The following MCM2 variants were observed in gnomAD, a reference collection of about 807,000 sequenced individuals.
MCM2 encodes minichromosome maintenance complex component 2.
A neutral mutation model predicts 86.4 loss-of-function variants in MCM2; 49 were observed. That is an observed-to-expected ratio of 0.57 (90% CI 0.45 to 0.72). The LOEUF (loss-of-function observed/expected upper bound fraction) is 0.72. Ranked by LOEUF, MCM2 falls within the 30% of genes least tolerant of loss-of-function variation. MCM2 has a pLI of 0.00. For missense variants in MCM2, 1,038 were observed against 1,259.9 expected (o/e 0.82, Z 2.67); for synonymous variants, 475 against 484.6 (o/e 0.98, Z 0.26).
chr3:127,603,187 G>T (rs1207693088), intron 2 of MCM2, among the ~76,000 whole-genome samples: 1 of 151,926 alleles, frequency 6.6e-6, no homozygotes, highest in East Asian at 1.9e-4. Context: ...TTTTAGTAGA[G>T]ACGGGGTTTC....
Position 127,606,554 on chromosome 3 carries a change from C to T in MCM2, c.894-56C>T, listed in dbSNP as rs2074352256. Reference sequence around the variant, plus strand: ...GGACAGTGTGTTGGGACACTCTCGTCTGCAGCCTGGCCTCACCCTGGCTCA... The same window carrying T: ...GGACAGTGTGTTGGGACACTCTCGTTTGCAGCCTGGCCTCACCCTGGCTCA... On this transcript the variant is annotated intron_variant, in intron 5 of 15. Coordinates refer to ENST00000265056, the MANE Select transcript of MCM2 (RefSeq NM_004526.4). This position sits in a 1 kb window ranked among gnomAD's most constrained non-coding sequence, Gnocchi z 4.2. 1 of 1,522,406 alleles carries T rather than the reference C, an allele frequency of 6.6e-7. No individual in the cohort carries two copies. The highest frequency in any genetic ancestry group is 9.1e-7 in the Non-Finnish European group (1 of 1,099,518). 94.3% of individuals were successfully genotyped at this position (1,522,406 alleles called of 1,614,324 possible).
At chr3:127,605,434 C>CTTTTTT (rs1227332481) in intron 4 of MCM2, among the ~76,000 whole-genome samples, 10 of 86,128 alleles carry the variant, frequency 1.2e-4, no homozygotes, top group Non-Finnish European at 1.9e-4. Flanking sequence ...GGAATTGACT[C>CTTTTTT]TTTTTTTTTT....
In MCM2 at chr3:127,608,381, G is replaced by A; in HGVS notation, c.1102-1G>A. On this transcript the variant is annotated splice_acceptor_variant, in intron 6 of 15. Coordinates refer to ENST00000265056, the MANE Select transcript of MCM2 (RefSeq NM_004526.4). LOFTEE classifies it high-confidence loss of function. The stretch of plus-strand genomic sequence containing the variant: ...TGAGGCCTTCTGTGTGTCCCTCGCA[G>A]ACCATCTATCAGAACTACCAGCGTA... The A allele has an allele frequency of 6.2e-7, 1 of 1,614,158 alleles. No homozygotes were observed.
intron 1 of MCM2, 78 bp from the exon 2 acceptor site, chr3:127,599,240 G>T (rs1306185590): frequency 8.6e-7 from 1 of 1,161,248 alleles, no homozygotes; most frequent in East Asian, 2.3e-5. Flanking sequence ...AGAAGGGAAG[G>T]CCCCTGATGG....
At chr3:127,611,494 T>C (rs1353801688) in intron 8 of MCM2, among the ~76,000 whole-genome samples, 1 of 152,136 alleles carries the variant, frequency 6.6e-6, no homozygotes, top group East Asian at 1.9e-4. Flanking sequence ...CATCCCCATG[T>C]GCTTCTGGAG....
intron 15 of MCM2, 93 bp downstream of exon 15, chr3:127,621,321 T>C (rs1278400390): frequency 8.7e-6 from 13 of 1,489,942 alleles, no homozygotes; most frequent in Non-Finnish European, 1.2e-5. Flanking sequence ...GGTCATGAAG[T>C]GGGTGGGCCT....
chr3:127,617,545 C>G lies in MCM2; in HGVS notation c.1900+140C>G, dbSNP rs2074442865. The G allele has an allele frequency of 1.8e-6, 2 of 1,096,540 alleles. No homozygotes were observed. The highest frequency in any genetic ancestry group is 2.5e-6 in the Non-Finnish European group (2 of 788,776). The allele number at this position is 1,096,540 out of a possible 1,614,324, so 67.9% of individuals were successfully genotyped here. A position where few individuals can be genotyped will look rare whatever the true frequency, so the allele number is the denominator to read the frequency against. On this transcript the variant is annotated intron_variant, in intron 11 of 15. Coordinates refer to ENST00000265056, the MANE Select transcript of MCM2 (RefSeq NM_004526.4). This position sits in a 1 kb window ranked among gnomAD's most constrained non-coding sequence, Gnocchi z 4.1. ...CAGAGGGTTCCCCTCTTCTGCATAT[C>G]CTGCCAGAGTGGGGAACAGTGAAAG...
chr3:127,606,786 C>T lies in MCM2; in HGVS notation c.1070C>T (p.Ser357Leu), dbSNP rs771271221. The change falls in exon 6 of 16, where the codon TCG becomes TTG. Residue 357 changes from serine to leucine, a missense_variant. Transcript: ENST00000265056. This position sits in a 1 kb window ranked among gnomAD's most constrained non-coding sequence, Gnocchi z 4.2. ...VKPGSCPECQ[S>L]AGPFEVNMEE... ...CCAGGCTCCTGTCCTGAGTGCCAGT[C>T]GGCCGGCCCCTTTGAGGTCAACATG... 9 of 1,614,198 alleles carry T rather than the reference C, an allele frequency of 5.6e-6. No homozygotes were observed. In the East Asian group the frequency reaches 6.7e-5, roughly 12 times the overall value.
chr3:127,610,693 T>G, intron 8 of MCM2: 1 of 437,306 alleles, frequency 2.3e-6, no homozygotes, highest in East Asian at 7.1e-5. Flanking sequence ...GCATCCACCG[T>G]GAGAAGCTGC....
intron 8 of MCM2, among the ~76,000 whole-genome samples, chr3:127,611,730 G>A (rs1199086572): frequency 1.0e-5 from 1 of 98,752 alleles, no homozygotes; most frequent in Non-Finnish European, 1.7e-5. Context: ...ACGGAGTCTC[G>A]CTCTGTCGCC....
In MCM2 at chr3:127,618,595, G is replaced by A. The variant is rs2074451156; in HGVS notation, c.2014-432G>A. Among the ~76,000 whole-genome samples, 1 of 152,086 alleles carries A rather than the reference G, an allele frequency of 6.6e-6. No homozygotes were observed. Among genetic ancestry groups the A allele is most frequent in the South Asian group, 2.1e-4 (1 of 4,820 alleles). ...CCTGCCCTTCTCTCTCAAAAGGGCC[G>A]AGCCTTGGGGCTTGATTGTGCTCCT... On this transcript the variant is annotated intron_variant, in intron 12 of 15. Coordinates refer to ENST00000265056, the MANE Select transcript of MCM2 (RefSeq NM_004526.4). The surrounding 1 kb of genome is among the most constrained non-coding windows in gnomAD (Gnocchi z 4.0).
At chr3:127,605,280 A>T in intron 4 of MCM2, 124 bp downstream of exon 4, 1 of 1,320,562 alleles carries the variant, frequency 7.6e-7, no homozygotes, top group Non-Finnish European at 1.0e-6. Context: ...CTGTCAGAGA[A>T]ACCAAAAGTT....
In MCM2 at chr3:127,619,139, C is replaced by T. The variant is rs1417045950; in HGVS notation, c.2126C>T (p.Thr709Met). 1.2e-5 allele frequency: 19 copies of T among 1,613,992 alleles called. No individual in the cohort carries two copies. Among genetic ancestry groups the T allele is most frequent in the East Asian group, 8.9e-5 (4 of 44,892 alleles). ...GSAAEPAMPN[T>M]YGVEPLPQEV... The stretch of plus-strand genomic sequence containing the variant: ...GCTGCTGAGCCCGCCATGCCCAACA[C>T]GTATGGCGTGGAGCCCCTGCCCCAG... The change falls in exon 13 of 16, where the codon ACG becomes ATG. Residue 709 changes from threonine (T) to methionine (M), a missense_variant. Coordinates refer to ENST00000265056, the MANE Select transcript of MCM2 (RefSeq NM_004526.4).
At chr3:127,603,242 G>A (rs922293141) in intron 2 of MCM2, among the ~76,000 whole-genome samples, 1 of 152,000 alleles carries the variant, frequency 6.6e-6, no homozygotes, top group African/African-American at 2.4e-5. Context: ...CTCGTGATCC[G>A]CCCGCCTCAG....
chr3:127,611,435 G>A (rs984398062), intron 8 of MCM2, among the ~76,000 whole-genome samples: 6 of 152,196 alleles, frequency 3.9e-5, no homozygotes, highest in African/African-American at 1.2e-4. Flanking sequence ...ATAGGTGAGC[G>A]TGTGGCGGGC....
At chr3:127,598,537 G>T in intron 1 of MCM2, 65 bp downstream of exon 1, 4 of 1,587,210 alleles carry the variant, frequency 2.5e-6, no homozygotes, top group Non-Finnish European at 3.4e-6. Context: ...CGCGCTTCCC[G>T]TACTCTGGCC....
At chr3:127,621,615 G>A (rs758144595) in intron 15 of MCM2, 48 bp from the exon 16 acceptor site, 1 of 1,263,920 alleles carries the variant, frequency 7.9e-7, no homozygotes, top group Non-Finnish European at 1.2e-6. Context: ...TCTGGAAACA[G>A]CCTGTTCTCA....
At position 127,606,593 on chromosome 3, in the gene MCM2, AC is replaced by A; in HGVS notation, c.894-14del. ...CACCCTGGCTCACGGCTTCTGATGC[AC>A]CCTCTGCCTCCGCAGGCAGCTGCAT... is the stretch of plus-strand genomic sequence containing the variant. On this transcript the variant is annotated splice_polypyrimidine_tract_variant and intron_variant, in intron 5 of 15. Transcript: ENST00000265056. This position sits in a 1 kb window ranked among gnomAD's most constrained non-coding sequence, Gnocchi z 4.2. 1 of 1,610,914 alleles carries A rather than the reference AC, an allele frequency of 6.2e-7. No homozygotes were observed. Among genetic ancestry groups the A allele is most frequent in the South Asian group, 1.1e-5 (1 of 91,018 alleles).
In MCM2 at chr3:127,616,764, C is replaced by T. The variant is rs2074436035; in HGVS notation, c.1523-104C>T. On this transcript the variant is annotated intron_variant, in intron 9 of 15. Transcript: ENST00000265056. ...CCCTTTCTAGAGGGACTGTGCCTTA[C>T]CATTCCTAACAAGTAGGTTGAGGAA... 1.6e-5 allele frequency: 21 copies of T among 1,318,878 alleles called. No individual in the cohort carries two copies. In the South Asian group the frequency reaches 2.5e-4, roughly 16 times the overall value. 81.7% of individuals were successfully genotyped at this position (1,318,878 alleles called of 1,614,324 possible). A position where few individuals can be genotyped will look rare whatever the true frequency, so the allele number is the denominator to read the frequency against.
Sources: allele counts gnomAD v4.1 joint callset (sites outside exome capture counted in the v4.1 genomes callset), GRCh38; gene constraint gnomAD v4.1.1; non-coding constraint Gnocchi (gnomAD v3.1); transcripts MANE v1.5; gene names NCBI Gene and HGNC (gene_info 2026-07-23, HGNC 2026-07-21).